Variants in ROBO2 observed in about 807,000 individuals in gnomAD.
ROBO2 encodes the protein roundabout guidance receptor 2.
ROBO2 carries 53 observed loss-of-function variants against 160.8 expected under a neutral mutation model. The ratio of observed to expected loss-of-function variants is 0.33; its 90% CI spans 0.26 to 0.41. The LOEUF (loss-of-function observed/expected upper bound fraction) is 0.41, where lower values mean the gene tolerates loss of function less well. ROBO2 is among the 10% of genes least tolerant of loss of function. The probability of loss-of-function intolerance (pLI) is 1.00; values close to 1 mark genes in which losing one functional copy is unlikely to be tolerated. For synonymous variants in ROBO2, 664 were observed against 611.7 expected (o/e 1.09, Z -1.26); for missense variants, 1,577 against 1,722.4 (o/e 0.92, Z 1.49).
intron 2 of ROBO2, among the ~76,000 whole-genome samples, chr3:76,917,094 G>A (rs1049910625): frequency 1.8e-4 from 27 of 152,136 alleles, no homozygotes; most frequent in African/African-American, 6.0e-4. Context: ...ACAAACCAAG[G>A]CTGGGCTCAT....
chr3:76,950,943 G>A (rs966677152), intron 2 of ROBO2, among the ~76,000 whole-genome samples: 16 of 152,090 alleles, frequency 1.1e-4, no homozygotes, highest in Admixed American at 2.0e-4. Context: ...TCCCAGGCTG[G>A]TCTGGAACTC....
chr3:77,070,016 T>C (rs2067244166), intron 1 of ROBO2, among the ~76,000 whole-genome samples: 1 of 152,042 alleles, frequency 6.6e-6, no homozygotes, highest in African/African-American at 2.4e-5. Context: ...GGTGTCCTTA[T>C]AAAAAGGGAG....
intron 2 of ROBO2, among the ~76,000 whole-genome samples, chr3:77,397,922 G>T (rs1277503931): frequency 6.6e-6 from 1 of 151,856 alleles, no homozygotes; most frequent in Non-Finnish European, 1.5e-5. Context: ...GAGCAACAAA[G>T]AAAAAGAAGA....
chr3:77,326,068 C>CT (rs933552315), intron 2 of ROBO2, among the ~76,000 whole-genome samples: 7 of 152,200 alleles, frequency 4.6e-5, no homozygotes, highest in African/African-American at 1.7e-4. Context: ...CAATTAGCAC[C>CT]TTGTGTGATC....
At chr3:76,072,857 T>G (rs2068508489) in intron 2 of ROBO2, among the ~76,000 whole-genome samples, 1 of 152,190 alleles carries the variant, frequency 6.6e-6, no homozygotes, top group Non-Finnish European at 1.5e-5. Context: ...TACTAAGAAG[T>G]ACAAAGTTGA....
chr3:76,439,537 G>A (rs2076829641), intron 2 of ROBO2, among the ~76,000 whole-genome samples: 1 of 152,122 alleles, frequency 6.6e-6, no homozygotes, highest in Admixed American at 6.6e-5. Flanking sequence ...AAAGCTAAAC[G>A]ATCTCCAGGC....
intron 2 of ROBO2, among the ~76,000 whole-genome samples, chr3:76,453,145 A>G (rs1372898470): frequency 6.6e-6 from 1 of 152,082 alleles, no homozygotes. Context: ...CTCTGATGGT[A>G]GTTTCTTTTG....
chr3:77,625,429 G>A (rs776126), intron 23 of ROBO2, among the ~76,000 whole-genome samples: 1,603 of 151,702 alleles, frequency 0.011, 32 homozygotes, highest in African/African-American at 0.037. Context: ...CCAGGCTGGA[G>A]TGCAGTGGCA....
chr3:76,449,816 G>A (rs1010045737), intron 2 of ROBO2, among the ~76,000 whole-genome samples: 1 of 152,044 alleles, frequency 6.6e-6, no homozygotes, highest in Non-Finnish European at 1.5e-5. Context: ...AAGGAATCAC[G>A]AATAAACATT....
At chr3:76,976,007 C>T (rs1005841990) in intron 2 of ROBO2, among the ~76,000 whole-genome samples, 16 of 152,266 alleles carry the variant, frequency 1.1e-4, no homozygotes, top group African/African-American at 3.9e-4. Context: ...TACAGAGTCT[C>T]GTCTGCCACT....
chr3:76,034,427 T>C (rs1318322143), intron 2 of ROBO2, among the ~76,000 whole-genome samples: 1 of 152,178 alleles, frequency 6.6e-6, no homozygotes. Context: ...AAGTCACCTA[T>C]ACTAATTTTC....
intron 2 of ROBO2, among the ~76,000 whole-genome samples, chr3:76,628,219 G>A (rs188600918): frequency 1.3e-3 from 193 of 151,898 alleles, no homozygotes; most frequent in African/African-American, 4.3e-3. Flanking sequence ...AATACTTGTC[G>A]ACTGCTAAGA....
chr3:77,003,582 A>G (rs2061433045), intron 2 of ROBO2, among the ~76,000 whole-genome samples: 1 of 151,978 alleles, frequency 6.6e-6, no homozygotes, highest in Admixed American at 6.6e-5. Context: ...GTTTTTTGAG[A>G]CAGAGTCTCA....
chr3:77,317,998 T>A (rs953778100), intron 2 of ROBO2, among the ~76,000 whole-genome samples: 8 of 150,906 alleles, frequency 5.3e-5, no homozygotes, highest in Non-Finnish European at 1.2e-4. Context: ...GGTGGGGTGA[T>A]TTATTTTATT....
At chr3:76,164,056 A>G (rs540696451) in intron 2 of ROBO2, among the ~76,000 whole-genome samples, 1 of 152,344 alleles carries the variant, frequency 6.6e-6, no homozygotes, top group Admixed American at 6.5e-5. Context: ...TGCTTTGCCA[A>G]CTAAGTTTAC....
At chr3:76,510,988 A>G (rs1053746091) in intron 2 of ROBO2, among the ~76,000 whole-genome samples, 16 of 152,214 alleles carry the variant, frequency 1.1e-4, no homozygotes, top group African/African-American at 3.9e-4. Flanking sequence ...AAGATTTGTG[A>G]TGATAAAACA....
chr3:76,046,725 G>T (rs2067465975), intron 2 of ROBO2, among the ~76,000 whole-genome samples: 3 of 151,870 alleles, frequency 2.0e-5, no homozygotes, highest in Admixed American at 6.6e-5. Flanking sequence ...GAACTACTTT[G>T]GTCCTCATAA....
At chr3:76,503,371 T>A (rs947938690) in intron 2 of ROBO2, among the ~76,000 whole-genome samples, 1 of 152,134 alleles carries the variant, frequency 6.6e-6, no homozygotes, top group Non-Finnish European at 1.5e-5. Context: ...ACACCCAGAA[T>A]TAATACTTTG....
chr3:76,854,021 TCTCTCTC>T (rs2069725416), intron 2 of ROBO2, among the ~76,000 whole-genome samples: 1 of 3,260 alleles, frequency 3.1e-4, no homozygotes, highest in Non-Finnish European at 6.0e-4. Context: ...ATAGACTTTC[TCTCTCTC>T]TCTCTCTCTC....
Sources: gnomAD v4.1 joint callset for allele counts (sites outside exome capture counted in the v4.1 genomes callset) on GRCh38, gnomAD v4.1.1 for gene constraint, MANE v1.5 for transcripts, NCBI Gene and HGNC (gene_info 2026-07-23, HGNC 2026-07-21) for gene names.